The following LRRK1 variants were observed in gnomAD, a reference collection of about 807,000 sequenced individuals.
LRRK1 encodes leucine-rich repeat serine/threonine-protein kinase 1.
Under a neutral mutation model 209.1 loss-of-function variants are expected in LRRK1, and 113 were observed. The ratio of observed to expected loss-of-function variants is 0.54; its 90% CI spans 0.46 to 0.63. LRRK1 has a LOEUF of 0.63. LRRK1 is among the 30% of genes least tolerant of loss of function. The pLI, the probability that LRRK1 is intolerant of heterozygous loss-of-function variation, is 0.00. For missense variants in LRRK1, 2,284 were observed against 2,632.2 expected, an observed-to-expected ratio of 0.87 and a Z score of 2.89; for synonymous variants, 1,144 against 1,099.7, an observed-to-expected ratio of 1.04 and a Z score of -0.80.
intron 2 of LRRK1, among the ~76,000 whole-genome samples, chr15:100,952,749 A>T (rs1239233087): frequency 1.3e-5 from 2 of 152,218 alleles, no homozygotes; most frequent in Non-Finnish European, 2.9e-5. Context: ...TATCACAGTA[A>T]TCATTCCCAT....
Position 101,074,436 on chromosome 15 carries a change from T to C in LRRK1, c.*5588T>C, listed in dbSNP as rs1226433996. The C allele has an allele frequency of 6.6e-6, 1 of 152,168 alleles. No homozygotes were observed. Among genetic ancestry groups the C allele is most frequent in the East Asian group, 1.9e-4 (1 of 5,206 alleles). The allele number at this position is 152,168 out of a possible 1,614,324, so 9.4% of individuals were successfully genotyped here. A position where few individuals can be genotyped will look rare whatever the true frequency, so the allele number is the denominator to read the frequency against. ...TCCTTTTTCTTTATCCCAAATCAGA[T>C]AGCGTTTAGGCTCTTTTTCATCAAA... On this transcript the variant is annotated 3_prime_UTR_variant, in exon 34 of 34. Transcript: ENST00000388948.
rs1164799291 is a variant in LRRK1 at position 100,919,623 on chromosome 15, G to A, written c.-123+172G>A. The stretch of plus-strand genomic sequence containing the variant: ...GGGCACGGGGGGCCGTTGCGCAGGG[G>A]CCGCGGCCCGAGGGGCGCGGAGGGC... On this transcript the variant is annotated intron_variant, in intron 1 of 33. Transcript: ENST00000388948. This position sits in a 1 kb window ranked among gnomAD's most constrained non-coding sequence, Gnocchi z 5.8. 6.7e-6 allele frequency among the ~76,000 whole-genome samples: 1 copy of A among 150,178 alleles called. No individual in the cohort carries two copies. Among genetic ancestry groups the A allele is most frequent in the African/African-American group, 2.4e-5 (1 of 41,176 alleles).
At position 100,948,348 on chromosome 15, in the gene LRRK1, T is replaced by A. The variant is rs543253811; in HGVS notation, c.97+23619T>A. 5.3e-5 allele frequency among the ~76,000 whole-genome samples: 8 copies of A among 152,224 alleles called. No individual in the cohort carries two copies. In the South Asian group the frequency reaches 1.5e-3, roughly 28 times the overall value. On this transcript the variant is annotated intron_variant, in intron 2 of 33. Coordinates refer to ENST00000388948, the MANE Select transcript of LRRK1 (RefSeq NM_024652.6). ...GCCAGATGGGACACCTCCTCATGGG[T>A]TTCGTCCCCGCCGTTTGAATGTGAC...
At chr15:100,935,137 A>G (rs1432954867) in intron 2 of LRRK1, among the ~76,000 whole-genome samples, 1 of 152,148 alleles carries the variant, frequency 6.6e-6, no homozygotes, top group African/African-American at 2.4e-5. Flanking sequence ...TGTCCTCATG[A>G]TGTTTCTATT....
chr15:101,012,950 C>T (rs2141697489), intron 10 of LRRK1, among the ~76,000 whole-genome samples: 2 of 152,280 alleles, frequency 1.3e-5, no homozygotes, highest in Middle Eastern at 3.4e-3. Flanking sequence ...TCCTGGCCTT[C>T]AGGCCTTGTC....
chr15:100,938,457 T>C (rs1049195163), intron 2 of LRRK1, among the ~76,000 whole-genome samples: 1 of 152,282 alleles, frequency 6.6e-6, no homozygotes, highest in Middle Eastern at 3.4e-3. Flanking sequence ...GCCACTCTTC[T>C]AGCTTTTTGA....
At chr15:101,017,234 C>T (rs1345438054) in intron 12 of LRRK1, among the ~76,000 whole-genome samples, 1 of 152,158 alleles carries the variant, frequency 6.6e-6, no homozygotes, top group Non-Finnish European at 1.5e-5. Flanking sequence ...CCACAGAGGC[C>T]AGGACACATT....
At chr15:100,965,149 T>C (rs2030373494) in intron 2 of LRRK1, among the ~76,000 whole-genome samples, 1 of 152,124 alleles carries the variant, frequency 6.6e-6, no homozygotes, top group Admixed American at 6.5e-5. Flanking sequence ...GTTTTATTAC[T>C]CTTTCAGAAT....
chr15:100,962,820 T>TATACATATATATATATATAC (rs1567202910), intron 2 of LRRK1, among the ~76,000 whole-genome samples: 10 of 27,480 alleles, frequency 3.6e-4, no homozygotes, highest in Middle Eastern at 0.017. Context: ...TATATATATA[T>TATACATATATATATATATAC]ATATTTTTTT....
intron 9 of LRRK1, 91 bp downstream of exon 9, chr15:101,010,928 TCC>T (rs2033204165): frequency 8.0e-7 from 1 of 1,246,774 alleles, no homozygotes. Context: ...TGTCAGTTCA[TCC>T]CCTCAGCAGC....
intron 2 of LRRK1, among the ~76,000 whole-genome samples, chr15:100,926,545 C>G (rs2042113819): frequency 7.9e-6 from 1 of 127,076 alleles, no homozygotes; most frequent in South Asian, 2.8e-4. Context: ...GGTAGTGGCT[C>G]AAACCGGCAG....
intron 2 of LRRK1, among the ~76,000 whole-genome samples, chr15:100,959,484 G>A (rs931570628): frequency 1.3e-5 from 2 of 152,184 alleles, no homozygotes; most frequent in African/African-American, 4.8e-5. Flanking sequence ...AGGCTAGAAG[G>A]AGGAGAATTT....
chr15:100,934,802 C>CAAAAAA (rs56258040), intron 2 of LRRK1, among the ~76,000 whole-genome samples: 112 of 53,354 alleles, frequency 2.1e-3, no homozygotes, highest in Non-Finnish European at 2.8e-3. Flanking sequence ...GAAACTGTCT[C>CAAAAAA]AAAAAAAAAA....
chr15:101,060,614 A>G (rs898169823), intron 29 of LRRK1, among the ~76,000 whole-genome samples: 4 of 152,242 alleles, frequency 2.6e-5, no homozygotes, highest in Non-Finnish European at 5.9e-5. Context: ...TCCCAGCCCC[A>G]TCAGCTTCAG....
rs763640946 is a variant in LRRK1 at position 101,055,034 on chromosome 15, C to A, written c.4143C>A (p.Asn1381Lys). The A allele has an allele frequency of 9.3e-6, 15 of 1,614,154 alleles. No individual in the cohort carries two copies. In the East Asian group the frequency reaches 3.1e-4, roughly 34 times the overall value. The change falls in exon 27 of 34, where the codon AAC (asparagine) becomes AAA (lysine). Residue 1381 changes from asparagine to lysine, a missense_variant. Coordinates refer to ENST00000388948, the MANE Select transcript of LRRK1 (RefSeq NM_024652.6). Reference sequence around the variant, plus strand: ...GCCTGGCCTACCTGCACAAGAAAAACATCATCTTCTGTGACCTGAAGTCGG... The same window carrying A: ...GCCTGGCCTACCTGCACAAGAAAAAAATCATCTTCTGTGACCTGAAGTCGG... ...ASGLAYLHKK[N>K]IIFCDLKSDN...
At chr15:100,998,819 A>AATGG (rs1381129137) in intron 6 of LRRK1, among the ~76,000 whole-genome samples, 1 of 149,186 alleles carries the variant, frequency 6.7e-6, no homozygotes, top group Non-Finnish European at 1.5e-5. Flanking sequence ...TGGATGGATG[A>AATGG]ATGGATGGAT....
intron 2 of LRRK1, among the ~76,000 whole-genome samples, chr15:100,970,635 T>C (rs2030803341): frequency 6.6e-6 from 1 of 152,234 alleles, no homozygotes; most frequent in Non-Finnish European, 1.5e-5. Flanking sequence ...TCTCTTCTTT[T>C]TCAAGATTGC....
At chr15:100,938,147 C>G (rs1432203377) in intron 2 of LRRK1, among the ~76,000 whole-genome samples, 1 of 152,018 alleles carries the variant, frequency 6.6e-6, no homozygotes, top group Non-Finnish European at 1.5e-5. Context: ...ATGTGAGCCA[C>G]CACACCCGGC....
intron 1 of LRRK1, among the ~76,000 whole-genome samples, chr15:100,921,798 C>A (rs1450890289): frequency 2.0e-5 from 3 of 152,170 alleles, no homozygotes; most frequent in Admixed American, 6.5e-5. Flanking sequence ...CTCACTGCAA[C>A]CTCCACCTCC....
Sources: gnomAD v4.1 joint callset for allele counts (sites outside exome capture counted in the v4.1 genomes callset) on GRCh38, gnomAD v4.1.1 for gene constraint, Gnocchi (gnomAD v3.1) non-coding constraint, MANE v1.5 for transcripts, NCBI Gene and HGNC (gene_info 2026-07-23, HGNC 2026-07-21) for gene names.